ERC2: variants seen among roughly 807,000 people sequenced by gnomAD.
ERC2 encodes the protein ELKS/RAB6-interacting/CAST family member 2, also known as ERC protein 2.
A neutral mutation model predicts 114.8 loss-of-function variants in ERC2; 42 were observed. The ratio of observed to expected loss-of-function variants is 0.37; its 90% CI spans 0.29 to 0.47. The LOEUF (loss-of-function observed/expected upper bound fraction) is 0.47. Among genes scored for constraint, ERC2 ranks in the 20% least tolerant of loss-of-function variants. The pLI, the probability that ERC2 is intolerant of heterozygous loss-of-function variation, is 0.99. For missense variants in ERC2, 939 were observed against 1,150.7 expected (o/e 0.82, Z 2.66); for synonymous variants, 454 against 425.5 (o/e 1.07, Z -0.82).
chr3:55,967,686 T>C (rs2068842793), intron 12 of ERC2, among the ~76,000 whole-genome samples: 1 of 152,174 alleles, frequency 6.6e-6, no homozygotes, highest in African/African-American at 2.4e-5. Context: ...AGTAGGAAAC[T>C]TGATCGCCTA....
chr3:55,622,861 A>G (rs1199286818), intron 17 of ERC2, among the ~76,000 whole-genome samples: 1 of 151,972 alleles, frequency 6.6e-6, no homozygotes, highest in African/African-American at 2.4e-5. Context: ...CTGCCATGCA[A>G]ACGTCAAGTT....
chr3:55,730,824 C>A (rs149354933), intron 15 of ERC2, among the ~76,000 whole-genome samples: 72 of 152,286 alleles, frequency 4.7e-4, no homozygotes, highest in African/African-American at 1.6e-3. Context: ...GTACTCTAGC[C>A]TGGGTGACAG....
intron 17 of ERC2, among the ~76,000 whole-genome samples, chr3:55,672,630 G>C (rs932542071): frequency 3.3e-5 from 5 of 152,218 alleles, no homozygotes; most frequent in African/African-American, 1.2e-4. Flanking sequence ...TGCTATGTGA[G>C]TGAGACAGAA....
chr3:55,548,546 G>A lies in ERC2; in HGVS notation c.*40-37270C>T, dbSNP rs533490257. Among the ~76,000 whole-genome samples, 25 of 152,226 alleles carry A rather than the reference G, an allele frequency of 1.6e-4. No homozygotes were observed. The South Asian group carries it at 4.8e-3, about 29-fold the overall frequency. On this transcript the variant is annotated intron_variant, in intron 17 of 17. Coordinates refer to ENST00000288221, the MANE Select transcript of ERC2 (RefSeq NM_015576.3). ...CTATCTTCTGGGCTAGAAAACAAGG[G>A]CAGGGAAAAACCCCAGCCACACAGA...
At chr3:56,209,149 C>T (rs564377195) in intron 3 of ERC2, among the ~76,000 whole-genome samples, 1 of 152,122 alleles carries the variant, frequency 6.6e-6, no homozygotes, top group Non-Finnish European at 1.5e-5. Context: ...TTCACACCAC[C>T]CCCTTTTTCT....
At chr3:56,197,802 G>T (rs912584917) in intron 3 of ERC2, among the ~76,000 whole-genome samples, 36 of 152,144 alleles carry the variant, frequency 2.4e-4, no homozygotes, top group Admixed American at 9.8e-4. Flanking sequence ...AATGGTAGTG[G>T]CAGTGAGCAA....
intron 12 of ERC2, among the ~76,000 whole-genome samples, chr3:55,958,039 G>T (rs1192155139): frequency 6.6e-6 from 1 of 152,200 alleles, no homozygotes; most frequent in Non-Finnish European, 1.5e-5. Flanking sequence ...GTAAGTTCTT[G>T]TCCCACTTCC....
At chr3:56,393,196 G>A (rs750058633) in intron 2 of ERC2, among the ~76,000 whole-genome samples, 2 of 152,162 alleles carry the variant, frequency 1.3e-5, no homozygotes, top group Non-Finnish European at 2.9e-5. Context: ...TCAGGAGTTT[G>A]AGACCTGCCT....
intron 14 of ERC2, among the ~76,000 whole-genome samples, chr3:55,869,950 C>G (rs965577643): frequency 6.6e-6 from 1 of 152,046 alleles, no homozygotes; most frequent in African/African-American, 2.4e-5. Context: ...GAGGAGAGGA[C>G]AGAACTGTCC....
intron 2 of ERC2, among the ~76,000 whole-genome samples, chr3:56,392,739 A>G (rs1411168702): frequency 6.6e-6 from 1 of 152,232 alleles, no homozygotes; most frequent in Non-Finnish European, 1.5e-5. Flanking sequence ...AGTTAAAAAT[A>G]AAATGGCTTC....
chr3:55,818,538 G>C (rs1451256088), intron 14 of ERC2, among the ~76,000 whole-genome samples: 5 of 152,172 alleles, frequency 3.3e-5, no homozygotes, highest in Non-Finnish European at 7.3e-5. Context: ...AAACACAGAA[G>C]CTGACCTTCT....
At chr3:55,634,612 T>C (rs1412860129) in intron 17 of ERC2, among the ~76,000 whole-genome samples, 2 of 152,242 alleles carry the variant, frequency 1.3e-5, no homozygotes, top group African/African-American at 4.8e-5. Flanking sequence ...CTACTTAGAC[T>C]GTAAGATTAA....
At chr3:56,020,260 G>C (rs1490366182) in intron 7 of ERC2, among the ~76,000 whole-genome samples, 1 of 152,112 alleles carries the variant, frequency 6.6e-6, no homozygotes, top group African/African-American at 2.4e-5. Context: ...GCCTAACAAA[G>C]ATGAAATTTT....
chr3:56,404,496 A>G (rs559687072), intron 2 of ERC2, among the ~76,000 whole-genome samples: 10 of 152,344 alleles, frequency 6.6e-5, no homozygotes, highest in African/African-American at 2.4e-4. Context: ...AAAAAAATGA[A>G]TAAGACCCAG....
chr3:56,063,542 T>C (rs369692895), intron 7 of ERC2, among the ~76,000 whole-genome samples: 27 of 152,324 alleles, frequency 1.8e-4, no homozygotes, highest in African/African-American at 6.3e-4. Flanking sequence ...ACACCTACTA[T>C]GCTGAGAAAA....
At chr3:56,355,315 CTTTTTTCTTTCT>C (rs2058705039) in intron 2 of ERC2, among the ~76,000 whole-genome samples, 1 of 144,862 alleles carries the variant, frequency 6.9e-6, no homozygotes, top group Non-Finnish European at 1.5e-5. Context: ...TTTTCTTTTT[CTTTTTTCTTTCT>C]TTTTTTTTTT....
At chr3:55,940,397 G>A (rs2168817) in intron 13 of ERC2, among the ~76,000 whole-genome samples, 41,929 of 151,756 alleles carry the variant, frequency 0.28, 7,235 homozygotes, top group Non-Finnish European at 0.35. Context: ...AGAAGCTCAG[G>A]GCCCCACGGA....
intron 2 of ERC2, among the ~76,000 whole-genome samples, chr3:56,430,276 GAA>G (rs1318965164): frequency 2.0e-5 from 3 of 152,072 alleles, no homozygotes; most frequent in Non-Finnish European, 4.4e-5. Context: ...CTTCCATATA[GAA>G]AAAGTTTCCA....
At chr3:56,161,379 CA>C (rs1351797630) in intron 4 of ERC2, among the ~76,000 whole-genome samples, 1 of 152,124 alleles carries the variant, frequency 6.6e-6, no homozygotes, top group Non-Finnish European at 1.5e-5. Flanking sequence ...TTTGGCTATT[CA>C]AGTTCTTTTT....
Sources: gnomAD v4.1 joint callset for allele counts (sites outside exome capture counted in the v4.1 genomes callset) on GRCh38, gnomAD v4.1.1 for gene constraint, MANE v1.5 for transcripts, NCBI Gene and HGNC (gene_info 2026-07-23, HGNC 2026-07-21) for gene names.